Variants in RNF152 observed in about 807,000 individuals in gnomAD.
RNF152 encodes ring finger protein 152.
Under a neutral mutation model 12.7 loss-of-function variants are expected in RNF152, and 11 were observed. That is an observed-to-expected ratio of 0.86 (90% CI 0.54 to 1.43). The LOEUF (loss-of-function observed/expected upper bound fraction) is 1.43, where lower values mean the gene tolerates loss of function less well. Ranked by LOEUF, RNF152 falls within the 40% of genes most tolerant of loss-of-function variation. The probability of loss-of-function intolerance (pLI) is 0.00; values close to 1 mark genes in which losing one functional copy is unlikely to be tolerated. For missense variants in RNF152, 255 were observed against 274.8 expected, an observed-to-expected ratio of 0.93 and a Z score of 0.51; for synonymous variants, 113 against 120.3, an observed-to-expected ratio of 0.94 and a Z score of 0.40.
intron 1 of RNF152, among the ~76,000 whole-genome samples, chr18:61,822,398 C>A (rs1909461115): frequency 6.6e-6 from 1 of 152,100 alleles, no homozygotes; most frequent in African/African-American, 2.4e-5. Flanking sequence ...TTTGAAAGTC[C>A]TTTACAATAA....
intron 1 of RNF152, among the ~76,000 whole-genome samples, chr18:61,834,719 G>A (rs1040311488): frequency 9.9e-5 from 15 of 152,148 alleles, no homozygotes; most frequent in African/African-American, 3.4e-4. Context: ...ACCAGTATTT[G>A]CAGGCAATTC....
chr18:61,836,028 T>C (rs1910165718), intron 1 of RNF152, among the ~76,000 whole-genome samples: 2 of 152,198 alleles, frequency 1.3e-5, no homozygotes, highest in African/African-American at 4.8e-5. Flanking sequence ...TTTAAAATAA[T>C]ACATAAATTT....
At chr18:61,875,292 C>T (rs1033290693) in intron 1 of RNF152, among the ~76,000 whole-genome samples, 4 of 152,148 alleles carry the variant, frequency 2.6e-5, no homozygotes, top group South Asian at 2.1e-4. Flanking sequence ...CCTTAAGCAC[C>T]GTCTGTAAAA....
At chr18:61,869,256 A>C (rs1911877976) in intron 1 of RNF152, among the ~76,000 whole-genome samples, 1 of 152,176 alleles carries the variant, frequency 6.6e-6, no homozygotes, top group Admixed American at 6.5e-5. Flanking sequence ...CCACAAAATC[A>C]CTAGGTGGGG....
chr18:61,818,589 G>T (rs993232213), intron 1 of RNF152, among the ~76,000 whole-genome samples: 1 of 152,212 alleles, frequency 6.6e-6, no homozygotes, highest in African/African-American at 2.4e-5. Context: ...CAGTAATGTA[G>T]CATTCAGGAA....
intron 1 of RNF152, among the ~76,000 whole-genome samples, chr18:61,838,385 G>A (rs1350697761): frequency 2.0e-5 from 3 of 152,182 alleles, no homozygotes; most frequent in Non-Finnish European, 2.9e-5. Flanking sequence ...AGACTCCAGA[G>A]ATCAGCCCTG....
upstream of RNF152, chr18:61,893,177 T>C (rs1187431563): frequency 2.0e-5 from 3 of 151,632 alleles, no homozygotes; most frequent in Non-Finnish European, 1.5e-5. Flanking sequence ...CTAGCAACAG[T>C]AAGCCCTAGG....
intron 1 of RNF152, among the ~76,000 whole-genome samples, chr18:61,821,102 G>T (rs1400514368): frequency 6.6e-6 from 1 of 152,230 alleles, no homozygotes; most frequent in Non-Finnish European, 1.5e-5. Context: ...CTATCAAAGA[G>T]CTGCCACTTG....
intron 1 of RNF152, among the ~76,000 whole-genome samples, chr18:61,823,462 ATT>A (rs33930800): frequency 6.6e-6 from 1 of 151,684 alleles, no homozygotes; most frequent in South Asian, 2.1e-4. Context: ...CACCCAGCTA[ATT>A]TTTTTTGTAT....
In RNF152 at chr18:61,813,342, A is replaced by T. The variant is rs773333059; in HGVS notation, c.*2510T>A. On this transcript the variant is annotated 3_prime_UTR_variant, in exon 2 of 2. Transcript: ENST00000312828. ...TACACAAGAATGCACACCCCAACAA[A>T]CAGGTACACAAATAACTGCAAGCAG... 1.3e-5 allele frequency: 2 copies of T among 151,952 alleles called. No homozygotes were observed. The highest frequency in any genetic ancestry group is 2.9e-5 in the Non-Finnish European group (2 of 68,016). The allele number at this position is 151,952 out of a possible 1,614,324, so 9.4% of individuals were successfully genotyped here. A position where few individuals can be genotyped will look rare whatever the true frequency, so the allele number is the denominator to read the frequency against.
In RNF152 at chr18:61,815,814, T is replaced by A; in HGVS notation, c.*38A>T. 6.3e-7 allele frequency: 1 copy of A among 1,596,356 alleles called. No individual in the cohort carries two copies. Among genetic ancestry groups the A allele is most frequent in the Non-Finnish European group, 8.6e-7 (1 of 1,168,666 alleles). The stretch of plus-strand genomic sequence containing the variant: ...TCTCATCATCAACCTGCTCAACCCC[T>A]AAGTTGGCACCCACAAGAGACTTCC... On this transcript the variant is annotated 3_prime_UTR_variant, in exon 2 of 2. Coordinates refer to ENST00000312828, the MANE Select transcript of RNF152 (RefSeq NM_173557.3).
chr18:61,859,485 T>C (rs758152732), intron 1 of RNF152, among the ~76,000 whole-genome samples: 2 of 152,172 alleles, frequency 1.3e-5, no homozygotes, highest in African/African-American at 4.8e-5. Context: ...GATGCTGCCC[T>C]TGAAGAAGGG....
At position 61,834,135 on chromosome 18, in the gene RNF152, C is replaced by T. The variant is rs542431757; in HGVS notation, c.-135-17537G>A. Among the ~76,000 whole-genome samples the T allele has an allele frequency of 2.6e-5, 4 of 152,336 alleles. No individual in the cohort carries two copies. In the South Asian group the frequency reaches 6.2e-4, roughly 24 times the overall value. Reference sequence around the variant, plus strand: ...GTTACGTCCTGGCTTGAATCCCACACTCCAGCCACTCTGAGTCACTTGCAC... The same window carrying T: ...GTTACGTCCTGGCTTGAATCCCACATTCCAGCCACTCTGAGTCACTTGCAC... On this transcript the variant is annotated intron_variant, in intron 1 of 1. Coordinates refer to ENST00000312828, the MANE Select transcript of RNF152 (RefSeq NM_173557.3).
At position 61,816,468 on chromosome 18, in the gene RNF152, G is replaced by A; in HGVS notation, c.-5C>T. 1.3e-6 allele frequency: 2 copies of A among 1,590,540 alleles called. No individual in the cohort carries two copies. The highest frequency in any genetic ancestry group is 1.7e-6 in the Non-Finnish European group (2 of 1,163,676). ...GTCCTGGGACAGCGTCTCCATGGTGGACCGTGAGCAGGAAGGGCAAGGCCA... is the reference window on the plus strand; with the variant it reads ...GTCCTGGGACAGCGTCTCCATGGTGAACCGTGAGCAGGAAGGGCAAGGCCA... On this transcript the variant is annotated 5_prime_UTR_variant, in exon 2 of 2. Transcript: ENST00000312828.
intron 1 of RNF152, among the ~76,000 whole-genome samples, chr18:61,851,032 C>T (rs1044097538): frequency 6.6e-6 from 1 of 151,344 alleles, no homozygotes; most frequent in Admixed American, 6.6e-5. Context: ...CCAGGTGCAT[C>T]AGCCAGTGAC....
chr18:61,820,020 CA>C (rs1165545204), intron 1 of RNF152, among the ~76,000 whole-genome samples: 16,925 of 64,384 alleles, frequency 0.26, 991 homozygotes, highest in Non-Finnish European at 0.29. Flanking sequence ...GACACTATCT[CA>C]AAAAAAAAAA....
chr18:61,883,274 C>T (rs1048789930), intron 1 of RNF152, among the ~76,000 whole-genome samples: 8 of 152,122 alleles, frequency 5.3e-5, no homozygotes, highest in African/African-American at 1.7e-4. Context: ...TACTGTGTAC[C>T]GGGCCCCAAG....
At position 61,809,658 on chromosome 18, in the gene RNF152, C is replaced by T. The variant is rs1027103543; in HGVS notation, c.*6194G>A. 76 of 152,070 alleles carry T rather than the reference C, an allele frequency of 5.0e-4. No individual in the cohort carries two copies. The highest frequency in any genetic ancestry group is 1.8e-3 in the African/African-American group (76 of 41,402). The allele number at this position is 152,070 out of a possible 1,614,324, so 9.4% of individuals were successfully genotyped here. A position where few individuals can be genotyped will look rare whatever the true frequency, so the allele number is the denominator to read the frequency against. ...CACTCCCACAAAAACAAAGAAAATGCATGCTGTTGCAGACTTCAAGAGGTC... is the reference window on the plus strand; with the variant it reads ...CACTCCCACAAAAACAAAGAAAATGTATGCTGTTGCAGACTTCAAGAGGTC... On this transcript the variant is annotated 3_prime_UTR_variant, in exon 2 of 2. Transcript: ENST00000312828.
chr18:61,842,445 C>T (rs1317378651), intron 1 of RNF152, among the ~76,000 whole-genome samples: 1 of 152,226 alleles, frequency 6.6e-6, no homozygotes, highest in Non-Finnish European at 1.5e-5. Flanking sequence ...AGGCTGGCAG[C>T]TGTCACACCC....
Sources: allele counts gnomAD v4.1 joint callset (sites outside exome capture counted in the v4.1 genomes callset), GRCh38; gene constraint gnomAD v4.1.1; transcripts MANE v1.5; gene names NCBI Gene and HGNC (gene_info 2026-07-23, HGNC 2026-07-21).